Variants in TBC1D32 observed in about 807,000 individuals in gnomAD.
TBC1D32 encodes the protein TBC1 domain family member 32.
Under a neutral mutation model 170.3 loss-of-function variants are expected in TBC1D32, and 151 were observed. That is an observed-to-expected ratio of 0.89 (90% confidence interval 0.78 to 1.01). The LOEUF is 1.01. TBC1D32 is among the 50% of genes least tolerant of loss of function. TBC1D32 has a pLI of 0.00. For missense variants in TBC1D32, 1,464 were observed against 1,457.1 expected (o/e 1.00, Z -0.08); for synonymous variants, 498 against 488.0 (o/e 1.02, Z -0.27).
chr6:121,099,946 T>C (rs891731758), intron 30 of TBC1D32, among the ~76,000 whole-genome samples: 3 of 151,906 alleles, frequency 2.0e-5, no homozygotes, highest in African/African-American at 7.2e-5. Flanking sequence ...TAAATTAATA[T>C]AGCAGGGCTT....
At chr6:121,129,865 A>G (rs1349056173) in intron 25 of TBC1D32, 4 of 437,590 alleles carry the variant, frequency 9.1e-6, no homozygotes, top group Non-Finnish European at 1.8e-5. Context: ...CAGGAAGAAC[A>G]TACTTCATTT....
At chr6:121,318,011 C>T (rs1026073284) in intron 2 of TBC1D32, among the ~76,000 whole-genome samples, 1 of 152,008 alleles carries the variant, frequency 6.6e-6, no homozygotes. Context: ...TAATATTATA[C>T]TACCAAAACC....
At chr6:121,081,581 A>C (rs1311744178) in intron 31 of TBC1D32, among the ~76,000 whole-genome samples, 1 of 152,098 alleles carries the variant, frequency 6.6e-6, no homozygotes, top group Non-Finnish European at 1.5e-5. Flanking sequence ...GAGGTTACAA[A>C]AACTTTGGAA....
At chr6:121,295,308 G>C (rs1293267169) in intron 10 of TBC1D32, among the ~76,000 whole-genome samples, 1 of 93,368 alleles carries the variant, frequency 1.1e-5, no homozygotes, top group Admixed American at 1.2e-4. Flanking sequence ...AAAAAAAAAA[G>C]CCACCAGTGA....
chr6:121,188,503 A>C (rs2128282634), intron 22 of TBC1D32, among the ~76,000 whole-genome samples: 1 of 152,230 alleles, frequency 6.6e-6, no homozygotes, highest in South Asian at 2.1e-4. Flanking sequence ...AGAGAAGGAG[A>C]GCCAATGAAA....
intron 31 of TBC1D32, among the ~76,000 whole-genome samples, chr6:121,083,041 A>G (rs1221736271): frequency 6.6e-6 from 1 of 151,958 alleles, no homozygotes; most frequent in Non-Finnish European, 1.5e-5. Flanking sequence ...CTTATCCTAA[A>G]TGTTCTCTAA....
intron 22 of TBC1D32, among the ~76,000 whole-genome samples, chr6:121,191,951 G>A (rs1034938340): frequency 6.6e-6 from 1 of 151,598 alleles, no homozygotes; most frequent in African/African-American, 2.4e-5. Flanking sequence ...CTCAAACATT[G>A]GACTCCAAGT....
intron 20 of TBC1D32, among the ~76,000 whole-genome samples, chr6:121,234,172 C>T (rs949473148): frequency 6.6e-6 from 1 of 151,940 alleles, no homozygotes; most frequent in Non-Finnish European, 1.5e-5. Context: ...TTTTAGATAA[C>T]CTGATGACCA....
intron 20 of TBC1D32, among the ~76,000 whole-genome samples, chr6:121,231,979 A>G (rs895511093): frequency 1.3e-5 from 2 of 152,134 alleles, no homozygotes; most frequent in African/African-American, 4.8e-5. Context: ...ATTCCTAGTC[A>G]TAAAGTCTTT....
intron 29 of TBC1D32, among the ~76,000 whole-genome samples, chr6:121,106,997 C>T (rs1233306018): frequency 1.3e-5 from 2 of 151,468 alleles, no homozygotes; most frequent in African/African-American, 2.4e-5. Context: ...CCTGAAGATA[C>T]AATTTTAGGT....
chr6:121,085,322 T>TATATATACATAC (rs1406708308), intron 31 of TBC1D32, among the ~76,000 whole-genome samples: 131 of 100,758 alleles, frequency 1.3e-3, no homozygotes, highest in Non-Finnish European at 2.1e-3. Context: ...TATATACACA[T>TATATATACATAC]ATATATATAC....
chr6:121,219,656 A>C (rs1794269684), intron 21 of TBC1D32, among the ~76,000 whole-genome samples: 1 of 152,262 alleles, frequency 6.6e-6, no homozygotes, highest in South Asian at 2.1e-4. Context: ...TGGGAAATAC[A>C]GGCACATAAA....
chr6:121,300,930 C>T (rs1157159914), intron 9 of TBC1D32, among the ~76,000 whole-genome samples: 1 of 152,108 alleles, frequency 6.6e-6, no homozygotes, highest in East Asian at 1.9e-4. Flanking sequence ...CCAAAAGACA[C>T]ATGAAAAAAT....
In TBC1D32 at chr6:121,205,090, T is replaced by C. The variant is rs374803442; in HGVS notation, c.2555A>G (p.His852Arg). 39 of 1,519,334 alleles carry C rather than the reference T, an allele frequency of 2.6e-5. No individual in the cohort carries two copies. Among genetic ancestry groups the C allele is most frequent in the Admixed American group, 8.6e-5 (4 of 46,418 alleles). The allele number at this position is 1,519,334 out of a possible 1,614,324, so 94.1% of individuals were successfully genotyped here. ...IRSLFNYEQS[H>R]IFGLRDFIID... Reference sequence around the variant, plus strand: ...AGCATTTTACCTTAGACCAAAGATATGTGATTGTTCATAGTTGAATAAAGA... The same window carrying C: ...AGCATTTTACCTTAGACCAAAGATACGTGATTGTTCATAGTTGAATAAAGA... The change falls in exon 22 of 32, where the codon CAT (histidine) becomes CGT (arginine). Residue 852 changes from histidine (H) to arginine (R), a missense_variant. Physicochemically the swap from His to Arg is conservative, Grantham distance 29 (BLOSUM62 0). This residue lies in a region of TBC1D32 where 1,363 missense variants were observed against 1,338.1 expected (regional missense o/e 1.02). Transcript: ENST00000398212.
chr6:121,198,261 A>AATATATATATTATATATATATATAT (rs1791081447), intron 22 of TBC1D32, among the ~76,000 whole-genome samples: 1 of 141,162 alleles, frequency 7.1e-6, no homozygotes, highest in Non-Finnish European at 1.5e-5. Flanking sequence ...TATATATATA[A>AATATATATATTATATATATATATAT]TATATATATA....
intron 22 of TBC1D32, among the ~76,000 whole-genome samples, chr6:121,183,172 A>G (rs977905835): frequency 3.3e-5 from 5 of 152,050 alleles, no homozygotes; most frequent in African/African-American, 1.2e-4. Context: ...GGCATTATGA[A>G]GTTACTTTTA....
intron 22 of TBC1D32, among the ~76,000 whole-genome samples, chr6:121,181,559 A>G (rs527933392): frequency 4.3e-4 from 65 of 152,240 alleles, no homozygotes; most frequent in Non-Finnish European, 8.1e-4. Flanking sequence ...ACCCAGTCTC[A>G]GGTATTTCTT....
intron 24 of TBC1D32, among the ~76,000 whole-genome samples, chr6:121,140,659 C>T (rs1005414590): frequency 3.3e-5 from 5 of 151,746 alleles, no homozygotes; most frequent in Non-Finnish European, 5.9e-5. Context: ...TTGAAGTAAT[C>T]GCAGACTAAA....
intron 21 of TBC1D32, among the ~76,000 whole-genome samples, chr6:121,221,463 T>C (rs1159001540): frequency 2.6e-5 from 4 of 152,230 alleles, no homozygotes; most frequent in Non-Finnish European, 5.9e-5. Context: ...ATAACTGCCA[T>C]AAATAGTGAT....
Sources: allele counts gnomAD v4.1 joint callset (sites outside exome capture counted in the v4.1 genomes callset), GRCh38; gene constraint gnomAD v4.1.1; regional missense constraint gnomAD v4.1.1; transcripts MANE v1.5; gene names NCBI Gene and HGNC (gene_info 2026-07-23, HGNC 2026-07-21).